Variants in PDE1C observed in about 807,000 individuals in gnomAD.
PDE1C encodes the protein phosphodiesterase 1C.
PDE1C carries 62 observed loss-of-function variants against 93.1 expected under a neutral mutation model. The ratio of observed to expected loss-of-function variants is 0.67; its 90% confidence interval spans 0.54 to 0.82. The LOEUF is 0.82. Among genes scored for constraint, PDE1C ranks in the 40% least tolerant of loss-of-function variants. PDE1C has a pLI of 0.00. For synonymous variants in PDE1C, 325 were observed against 310.1 expected, an observed-to-expected ratio of 1.05 and a Z score of -0.50; for missense variants, 742 against 884.6, an observed-to-expected ratio of 0.84 and a Z score of 2.04.
At chr7:31,994,475 T>C (rs1263692597) in intron 2 of PDE1C, among the ~76,000 whole-genome samples, 1 of 152,194 alleles carries the variant, frequency 6.6e-6, no homozygotes, top group African/African-American at 2.4e-5. Context: ...CTCTCAGTTT[T>C]CTTATTTGAT....
intron 2 of PDE1C, among the ~76,000 whole-genome samples, chr7:31,925,386 G>T (rs1803242212): frequency 6.6e-6 from 1 of 152,100 alleles, no homozygotes; most frequent in African/African-American, 2.4e-5. Flanking sequence ...AGGCACTAGG[G>T]AAGACAGTGG....
At chr7:32,363,489 C>G (rs750302741) in intron 1 of PDE1C, among the ~76,000 whole-genome samples, 8 of 152,194 alleles carry the variant, frequency 5.3e-5, no homozygotes, top group Non-Finnish European at 1.2e-4. Flanking sequence ...TGAAGTGAAA[C>G]CTAAATTAAT....
At chr7:32,395,267 A>C (rs966707439) in intron 1 of PDE1C, among the ~76,000 whole-genome samples, 1 of 152,230 alleles carries the variant, frequency 6.6e-6, no homozygotes, top group South Asian at 2.1e-4. Context: ...TAAGTGCAGC[A>C]GTCAAAACAG....
At chr7:32,326,479 C>T (rs926024702) in intron 1 of PDE1C, among the ~76,000 whole-genome samples, 1 of 152,166 alleles carries the variant, frequency 6.6e-6, no homozygotes, top group African/African-American at 2.4e-5. Context: ...CAGGGCGAGT[C>T]AGTGAGGAAT....
At chr7:32,290,387 C>T (rs924337524) in intron 1 of PDE1C, among the ~76,000 whole-genome samples, 7 of 152,124 alleles carry the variant, frequency 4.6e-5, no homozygotes, top group African/African-American at 9.7e-5. Flanking sequence ...GAAGTCTTGC[C>T]CACACCCTGA....
At chr7:31,633,710 C>T in the PDE1C span, among the ~76,000 whole-genome samples, 5 of 152,202 alleles carry the variant, frequency 3.3e-5, no homozygotes, top group Non-Finnish European at 7.3e-5. Flanking sequence ...GACTCAGCTT[C>T]ACCACAGAGC....
intron 1 of PDE1C, among the ~76,000 whole-genome samples, chr7:32,357,331 C>CTCA (rs1308569345): frequency 5.9e-4 from 84 of 141,248 alleles, no homozygotes; most frequent in African/African-American, 1.8e-3. Flanking sequence ...GAGATTCCAT[C>CTCA]ACACACAAAA....
intron 12 of PDE1C, 57 bp from the exon 13 acceptor site, chr7:31,825,044 A>G: frequency 6.2e-7 from 1 of 1,603,546 alleles, no homozygotes; most frequent in Middle Eastern, 1.7e-4. Flanking sequence ...GCCTTTCCAT[A>G]CTTTCCAGAA....
At chr7:31,816,747 T>C (rs985492503) in intron 14 of PDE1C, among the ~76,000 whole-genome samples, 7 of 152,160 alleles carry the variant, frequency 4.6e-5, no homozygotes, top group Non-Finnish European at 8.8e-5. Flanking sequence ...TGTTTGTTAA[T>C]TTAAAACAAG....
intron 1 of PDE1C, among the ~76,000 whole-genome samples, chr7:32,312,421 G>A: frequency 6.6e-6 from 1 of 151,902 alleles, no homozygotes; most frequent in South Asian, 2.1e-4. Context: ...AGTTCATATG[G>A]AACCAAAAAA....
In PDE1C at chr7:31,940,163, G is replaced by A. The variant is rs112747806; in HGVS notation, c.129-59303C>T. 9.8e-3 allele frequency among the ~76,000 whole-genome samples: 1,490 copies of A among 152,300 alleles called. 7 individuals are homozygous for A. Among genetic ancestry groups the A allele is most frequent in the Admixed American group, 0.015 (225 of 15,292 alleles). ...AACTATTTTAAAGTAGTAATTAGCA[G>A]AGACAGAATTTGAACTCATATCTAT... On this transcript the variant is annotated intron_variant, in intron 2 of 17. Coordinates refer to ENST00000396191, the MANE Select transcript of PDE1C (RefSeq NM_001191057.4).
Position 31,752,759 on chromosome 7 carries a change from T to A in PDE1C, c.*625A>T, listed in dbSNP as rs1343195892. ...TGAGGCACAAAAATCTTTTTTTGTT[T>A]TTTAACTTGGATTTGCTTTATAAGC... On this transcript the variant is annotated 3_prime_UTR_variant, in exon 18 of 18. Coordinates refer to ENST00000396191, the MANE Select transcript of PDE1C (RefSeq NM_001191057.4). 6.6e-6 allele frequency: 1 copy of A among 152,154 alleles called. No individual in the cohort carries two copies. Among genetic ancestry groups the A allele is most frequent in the Admixed American group, 6.5e-5 (1 of 15,276 alleles). 9.4% of individuals were successfully genotyped at this position (152,154 alleles called of 1,614,324 possible).
intron 1 of PDE1C, among the ~76,000 whole-genome samples, chr7:32,336,142 T>A (rs1679379872): frequency 6.6e-6 from 1 of 152,150 alleles, no homozygotes; most frequent in Non-Finnish European, 1.5e-5. Flanking sequence ...AAGAAATGGA[T>A]CTAATAGAGG....
intron 16 of PDE1C, 133 bp from the exon 17 acceptor site, chr7:31,775,865 A>G (rs1795791724): frequency 1.1e-5 from 8 of 720,776 alleles, no homozygotes; most frequent in East Asian, 2.7e-5. Context: ...GTGAGGTTGC[A>G]GGGTGGTGCA....
At chr7:32,042,208 G>A (rs1199135017) in intron 2 of PDE1C, among the ~76,000 whole-genome samples, 1 of 152,210 alleles carries the variant, frequency 6.6e-6, no homozygotes, top group Non-Finnish European at 1.5e-5. Context: ...GCTGAGACAG[G>A]AGAATCGCTT....
Position 32,155,295 on chromosome 7 carries a change from T to C in PDE1C, c.308+14490A>G, listed in dbSNP as rs1169291144. Among the ~76,000 whole-genome samples the C allele has an allele frequency of 2.0e-5, 3 of 152,210 alleles. No individual in the cohort carries two copies. The East Asian group carries it at 5.8e-4, about 29-fold the overall frequency. ...GTTCATGTCTTTTTACCTCAGTTTCTCCATCTGTGAAATGAAAGTAATAAA... is the reference window on the plus strand; with the variant it reads ...GTTCATGTCTTTTTACCTCAGTTTCCCCATCTGTGAAATGAAAGTAATAAA... On this transcript the variant is annotated intron_variant, in intron 3 of 18. Transcript: ENST00000396193.
intron 2 of PDE1C, among the ~76,000 whole-genome samples, chr7:32,192,511 T>C (rs1242732858): frequency 1.3e-5 from 2 of 152,142 alleles, no homozygotes; most frequent in Non-Finnish European, 2.9e-5. Context: ...TTTTTGTGGA[T>C]TCATTTCTGG....
At chr7:32,147,272 AAAAGAAAG>A (rs3078683) in intron 3 of PDE1C, among the ~76,000 whole-genome samples, 3,553 of 96,604 alleles carry the variant, frequency 0.037, 128 homozygotes, top group Middle Eastern at 0.045. Flanking sequence ...AAGAAAGAAA[AAAAGAAAG>A]AAAGAAAGAA....
At chr7:32,178,796 AC>A (rs1262976178) in intron 2 of PDE1C, among the ~76,000 whole-genome samples, 2 of 152,120 alleles carry the variant, frequency 1.3e-5, no homozygotes, top group African/African-American at 4.8e-5. Flanking sequence ...CACAAAGACA[AC>A]TTTTCATGGA....
Sources: allele counts gnomAD v4.1 joint callset (sites outside exome capture counted in the v4.1 genomes callset), GRCh38; gene constraint gnomAD v4.1.1; transcripts MANE v1.5; gene names NCBI Gene and HGNC (gene_info 2026-07-23, HGNC 2026-07-21).